CCSER1: variants seen among roughly 807,000 people sequenced by gnomAD.
The protein encoded by CCSER1 is serine-rich coiled-coil domain-containing protein 1.
A neutral mutation model predicts 82.0 loss-of-function variants in CCSER1; 41 were observed. The observed-to-expected ratio is 0.50, with a 90% CI of 0.39 to 0.65. The LOEUF is 0.65. Ranked by LOEUF, CCSER1 falls within the 30% of genes least tolerant of loss-of-function variation. CCSER1 has a pLI of 0.00. For synonymous variants in CCSER1, 414 were observed against 383.9 expected (o/e 1.08, Z -0.92); for missense variants, 1,119 against 1,064.2 (o/e 1.05, Z -0.72).
intron 9 of CCSER1, among the ~76,000 whole-genome samples, chr4:91,035,154 A>C (rs941267143): frequency 6.6e-6 from 1 of 152,212 alleles, no homozygotes; most frequent in African/African-American, 2.4e-5. Flanking sequence ...AATTTCAATT[A>C]ATATACTTCA....
At chr4:90,846,062 A>G (rs1404901336) in intron 8 of CCSER1, among the ~76,000 whole-genome samples, 1 of 152,210 alleles carries the variant, frequency 6.6e-6, no homozygotes, top group Non-Finnish European at 1.5e-5. Flanking sequence ...GATTTATTCT[A>G]TAACAAACTG....
intron 10 of CCSER1, among the ~76,000 whole-genome samples, chr4:91,562,918 A>T (rs1313696583): frequency 6.6e-6 from 1 of 151,626 alleles, no homozygotes; most frequent in Non-Finnish European, 1.5e-5. Context: ...GTAGAACAGG[A>T]GTGAGTTTTG....
chr4:90,852,249 T>C (rs1763974480), intron 8 of CCSER1, among the ~76,000 whole-genome samples: 1 of 152,222 alleles, frequency 6.6e-6, no homozygotes, highest in South Asian at 2.1e-4. Flanking sequence ...CGTATAATTA[T>C]GGCTCATTGA....
intron 8 of CCSER1, among the ~76,000 whole-genome samples, chr4:90,824,939 C>A (rs1447715381): frequency 2.6e-5 from 4 of 152,118 alleles, no homozygotes; most frequent in African/African-American, 9.7e-5. Flanking sequence ...GCAGTAATTA[C>A]TCTCCTAGTC....
chr4:90,923,397 T>A lies in CCSER1; in HGVS notation c.2122T>A (p.Phe708Ile), dbSNP rs1385707915. Residue 708 changes from phenylalanine to isoleucine, a missense_variant, in exon 9 of 11, where the codon TTT (phenylalanine) becomes ATT (isoleucine). Phe to Ile is a conservative substitution (Grantham distance 21, BLOSUM62 0). Transcript: ENST00000509176. ...AAAAGTCCGGCATTTACAGAAGGCT[T>A]TTGCTTCAAGAGTAGATAAATCCAC... ...LGKVRHLQKAFASRVDKSTQT... is the reference protein window; with the variant it reads ...LGKVRHLQKAIASRVDKSTQT... 1 of 1,551,366 alleles carries A rather than the reference T, an allele frequency of 6.4e-7. No individual in the cohort carries two copies. The highest frequency in any genetic ancestry group is 1.4e-5 in the African/African-American group (1 of 73,036).
intron 4 of CCSER1, among the ~76,000 whole-genome samples, chr4:90,437,599 A>G (rs1043314571): frequency 5.9e-5 from 9 of 152,174 alleles, no homozygotes; most frequent in Non-Finnish European, 1.3e-4. Flanking sequence ...GTTCCAGATA[A>G]TGCATATAAT....
intron 5 of CCSER1, among the ~76,000 whole-genome samples, chr4:90,544,845 G>T (rs562390420): frequency 5.9e-5 from 9 of 152,056 alleles, no homozygotes; most frequent in Non-Finnish European, 1.0e-4. Context: ...ATGAATTTGG[G>T]CGATGTTAAA....
At chr4:91,081,030 A>G (rs1031677965) in intron 9 of CCSER1, among the ~76,000 whole-genome samples, 2 of 152,226 alleles carry the variant, frequency 1.3e-5, no homozygotes, top group Non-Finnish European at 2.9e-5. Flanking sequence ...TCAATAGAAA[A>G]AGAGGGAATC....
intron 10 of CCSER1, among the ~76,000 whole-genome samples, chr4:91,139,673 T>G (rs1728838460): frequency 6.6e-6 from 1 of 152,164 alleles, no homozygotes. Flanking sequence ...CATAAATATT[T>G]GTGTTAACAT....
At chr4:91,100,426 CAG>C (rs1724943027) in intron 10 of CCSER1, among the ~76,000 whole-genome samples, 2 of 151,968 alleles carry the variant, frequency 1.3e-5, no homozygotes, top group African/African-American at 4.8e-5. Context: ...TTTCTTCTGT[CAG>C]AGAGTGTTTG....
At chr4:91,320,338 T>C (rs1220046978) in intron 10 of CCSER1, among the ~76,000 whole-genome samples, 3 of 152,030 alleles carry the variant, frequency 2.0e-5, no homozygotes, top group Non-Finnish European at 4.4e-5. Flanking sequence ...CAGTCACATC[T>C]TAAACTGCCC....
chr4:91,126,754 T>G (rs1334854300), intron 10 of CCSER1, among the ~76,000 whole-genome samples: 1 of 152,000 alleles, frequency 6.6e-6, no homozygotes, highest in Non-Finnish European at 1.5e-5. Flanking sequence ...GAGCAACTAT[T>G]CTGTCACAAG....
chr4:90,889,215 A>T (rs2150106491), intron 8 of CCSER1, among the ~76,000 whole-genome samples: 1 of 152,290 alleles, frequency 6.6e-6, no homozygotes, highest in East Asian at 1.9e-4. Flanking sequence ...ATTTCCTGCT[A>T]TTATTTTACT....
At chr4:90,765,694 T>G (rs1358449250) in intron 7 of CCSER1, among the ~76,000 whole-genome samples, 1 of 152,060 alleles carries the variant, frequency 6.6e-6, no homozygotes, top group Non-Finnish European at 1.5e-5. Flanking sequence ...AACTGCAGAC[T>G]AGTGAAAAGT....
chr4:90,768,026 A>T (rs1346348434), intron 7 of CCSER1, among the ~76,000 whole-genome samples: 1 of 152,176 alleles, frequency 6.6e-6, no homozygotes, highest in African/African-American at 2.4e-5. Context: ...CTCAGTGTTC[A>T]TGATCTTGTA....
chr4:91,007,900 CTG>C (rs1738662330), intron 9 of CCSER1, among the ~76,000 whole-genome samples: 5 of 152,038 alleles, frequency 3.3e-5, no homozygotes, highest in African/African-American at 1.2e-4. Context: ...CCTTTGAGTA[CTG>C]CTTTTGCTGT....
chr4:91,140,386 A>G (rs1423662554), intron 10 of CCSER1, among the ~76,000 whole-genome samples: 2 of 151,824 alleles, frequency 1.3e-5, no homozygotes, highest in African/African-American at 4.8e-5. Context: ...GTCCTTTAAA[A>G]CTCCAATTAT....
chr4:90,943,043 T>G (rs940235683), intron 9 of CCSER1, among the ~76,000 whole-genome samples: 1 of 151,538 alleles, frequency 6.6e-6, no homozygotes, highest in Non-Finnish European at 1.5e-5. Context: ...GGAAGGTATA[T>G]GTGCTAATAA....
intron 3 of CCSER1, among the ~76,000 whole-genome samples, chr4:90,314,365 A>G (rs1735798398): frequency 6.6e-6 from 1 of 152,196 alleles, no homozygotes. Flanking sequence ...TTGATGCACC[A>G]TTAAAAGTTA....
Sources: allele counts gnomAD v4.1 joint callset (sites outside exome capture counted in the v4.1 genomes callset), GRCh38; gene constraint gnomAD v4.1.1; transcripts MANE v1.5; gene names NCBI Gene and HGNC (gene_info 2026-07-23, HGNC 2026-07-21).